Variants in PCDHGB3 observed in about 807,000 individuals in gnomAD.
PCDHGB3 encodes the protein protocadherin gamma-B3.
A neutral mutation model predicts 59.2 loss-of-function variants in PCDHGB3; 40 were observed. The observed-to-expected ratio is 0.68, with a 90% confidence interval of 0.52 to 0.88. The LOEUF is 0.88. Among genes scored for constraint, PCDHGB3 ranks in the 40% least tolerant of loss-of-function variants. PCDHGB3 has a pLI of 0.00. For synonymous variants in PCDHGB3, 581 were observed against 503.6 expected (o/e 1.15, Z -2.06); for missense variants, 1,309 against 1,187.9 (o/e 1.10, Z -1.50).
At chr5:141,377,345 C>T (rs1275867689) in intron 1 of PCDHGB3, 1 of 152,148 alleles carries the variant, frequency 6.6e-6, no homozygotes, top group African/African-American at 2.4e-5. Flanking sequence ...GTGGTTCACG[C>T]CTGTAATCCC....
chr5:141,478,700 C>T (rs1171617240), intron 1 of PCDHGB3: 2 of 1,549,172 alleles, frequency 1.3e-6, no homozygotes, highest in South Asian at 1.2e-5. Flanking sequence ...AAAGTTAGTG[C>T]CTTTGTGAGA....
At position 141,372,283 on chromosome 5, in the gene PCDHGB3, G is replaced by T. The variant is rs749946527; in HGVS notation, c.1889G>T (p.Arg630Leu). The change falls in exon 1 of 4, where the codon CGT (arginine) becomes CTT (leucine). Residue 630 changes from arginine (R) to leucine (L), a missense_variant. By Grantham distance (102) the Arg-to-Leu change is moderately radical. Coordinates refer to ENST00000576222, the MANE Select transcript of PCDHGB3 (RefSeq NM_018924.5). Reference sequence around the variant, plus strand: ...CGCACGGGTGAGGTGCGCACGGCGCGTACCTTGGGCGACAGGGAGGCCGCC... The same window carrying T: ...CGCACGGGTGAGGTGCGCACGGCGCTTACCTTGGGCGACAGGGAGGCCGCC... ...GLRTGEVRTA[R>L]TLGDREAARQ... is the part of the protein sequence containing the mutation. 2.9e-5 allele frequency: 47 copies of T among 1,613,080 alleles called. No individual in the cohort carries two copies. Among genetic ancestry groups the T allele is most frequent in the Non-Finnish European group, 2.7e-5 (32 of 1,179,872 alleles).
chr5:141,456,746 T>C (rs548254725), intron 1 of PCDHGB3, among the ~76,000 whole-genome samples: 51 of 151,874 alleles, frequency 3.4e-4, no homozygotes, highest in African/African-American at 1.0e-3. Context: ...GGGAGCATCA[T>C]GAGGTCAGGA....
At chr5:141,438,487 G>T (rs1030201971) in intron 1 of PCDHGB3, among the ~76,000 whole-genome samples, 9 of 150,284 alleles carry the variant, frequency 6.0e-5, no homozygotes, top group African/African-American at 2.2e-4. Flanking sequence ...GTCTCTTGGA[G>T]AAAAAAGAAT....
In PCDHGB3 at chr5:141,511,318, A is replaced by C; in HGVS notation, c.*145A>C. 2 of 1,476,400 alleles carry C rather than the reference A, an allele frequency of 1.4e-6. No homozygotes were observed. Among genetic ancestry groups the C allele is most frequent in the South Asian group, 2.7e-5 (2 of 72,796 alleles). 91.5% of individuals were successfully genotyped at this position (1,476,400 alleles called of 1,614,324 possible). On this transcript the variant is annotated 3_prime_UTR_variant, in exon 4 of 4. Transcript: ENST00000576222. The stretch of plus-strand genomic sequence containing the variant: ...GCCATGCTCCCCTTGGGAAACAGAA[A>C]CAAGTGCCCAGTCAGCACCTACCCC...
rs759437302 is a variant in PCDHGB3, at chr5:141,476,861, T to C, written c.2416-17946T>C. On this transcript the variant is annotated intron_variant, in intron 1 of 3. Transcript: ENST00000576222. The surrounding 1 kb of genome is among the most constrained non-coding windows in gnomAD (Gnocchi z 7.6). Reference sequence around the variant, plus strand: ...TGCGCCTGTCTTCAACCAGTCCTTGTACCGGGCGCGCGTCCTGGAGGATGC... The same window carrying C: ...TGCGCCTGTCTTCAACCAGTCCTTGCACCGGGCGCGCGTCCTGGAGGATGC... 6.2e-7 allele frequency: 1 copy of C among 1,613,864 alleles called. No individual in the cohort carries two copies. The highest frequency in any genetic ancestry group is 1.7e-5 in the Admixed American group (1 of 60,034).
intron 1 of PCDHGB3, chr5:141,415,323 G>C: frequency 1.9e-6 from 3 of 1,614,236 alleles, no homozygotes; most frequent in South Asian, 2.2e-5. Flanking sequence ...TCGTGCTGCT[G>C]GCGCACAGGC....
rs542113846 is a variant in PCDHGB3 at position 141,433,037 on chromosome 5, A to G, written c.2415+60228A>G. ...GACCTATTCCCACGAGGTTTCCCTCACCACGGACTCGCGGAAGAGTCACCT... is the reference window on the plus strand; with the variant it reads ...GACCTATTCCCACGAGGTTTCCCTCGCCACGGACTCGCGGAAGAGTCACCT... On this transcript the variant is annotated intron_variant, in intron 1 of 3. Coordinates refer to ENST00000576222, the MANE Select transcript of PCDHGB3 (RefSeq NM_018924.5). 249 of 1,614,172 alleles carry G rather than the reference A, an allele frequency of 1.5e-4. 6 individuals are homozygous for G. The South Asian group carries it at 2.5e-3, about 16-fold the overall frequency.
intron 1 of PCDHGB3, chr5:141,393,714 A>G: frequency 6.2e-7 from 1 of 1,613,878 alleles, no homozygotes; most frequent in South Asian, 1.1e-5. Flanking sequence ...TACTGGGGAA[A>G]TATCAATAGC....
Position 141,370,545 on chromosome 5 carries a change from G to A in PCDHGB3, c.151G>A (p.Ala51Thr), listed in dbSNP as rs768607566. 1.2e-6 allele frequency: 2 copies of A among 1,613,866 alleles called. No homozygotes were observed. Among genetic ancestry groups the A allele is most frequent in the Non-Finnish European group, 1.7e-6 (2 of 1,179,876 alleles). Reference sequence around the variant, plus strand: ...CAGGGGCTCGCTGGTAGGGAACCTCGCCAAGGACCTGGGGTTTGGCGTGGG... The same window carrying A: ...CAGGGGCTCGCTGGTAGGGAACCTCACCAAGGACCTGGGGTTTGGCGTGGG... ...LDRGSLVGNL[A>T]KDLGFGVGDL... The change falls in exon 1 of 4, where the codon GCC becomes ACC. Residue 51 changes from alanine to threonine, a missense_variant. Transcript: ENST00000576222.
rs549955923 is a variant in PCDHGB3, at chr5:141,409,897, A to G, written c.2415+37088A>G. 8.7e-6 allele frequency: 14 copies of G among 1,613,204 alleles called. No individual in the cohort carries two copies. The South Asian group carries it at 1.3e-4, about 15-fold the overall frequency. On this transcript the variant is annotated intron_variant, in intron 1 of 3. Coordinates refer to ENST00000576222, the MANE Select transcript of PCDHGB3 (RefSeq NM_018924.5). ...ACAACGCACCGCGGGTGCTGTACCC[A>G]GCTCTGGGTCCTGACGGCTCCGCGT...
chr5:141,419,923 G>A, intron 1 of PCDHGB3: 4 of 1,614,088 alleles, frequency 2.5e-6, no homozygotes, highest in Non-Finnish European at 3.4e-6. Flanking sequence ...AGGCTGAGAT[G>A]CAGTTTTACC....
In PCDHGB3 at chr5:141,511,112, G is replaced by C. The variant is rs767257788; in HGVS notation, c.2729G>C (p.Gly910Ala). The change falls in exon 4 of 4, where the codon GGC becomes GCC. Residue 910 changes from glycine (G) to alanine (A), a missense_variant. Coordinates refer to ENST00000576222, the MANE Select transcript of PCDHGB3 (RefSeq NM_018924.5). ...TLTNAAGKRD[G>A]KAPAGGNGNK... The stretch of plus-strand genomic sequence containing the variant: ...ACCAACGCAGCTGGCAAGCGGGATG[G>C]CAAGGCCCCAGCAGGTGGCAATGGC... The C allele has an allele frequency of 4.3e-6, 7 of 1,614,232 alleles. No homozygotes were observed. Among genetic ancestry groups the C allele is most frequent in the Non-Finnish European group, 5.9e-6 (7 of 1,180,024 alleles).
chr5:141,412,346 T>C (rs1489657145), intron 1 of PCDHGB3: 1 of 152,238 alleles, frequency 6.6e-6, no homozygotes, highest in African/African-American at 2.4e-5. Flanking sequence ...TATGTTCATT[T>C]TAGTTTGTGA....
chr5:141,417,751 C>T, intron 1 of PCDHGB3: 1 of 1,427,514 alleles, frequency 7.0e-7, no homozygotes, highest in Non-Finnish European at 9.2e-7. Flanking sequence ...AGATTGCCAG[C>T]TCCGAGACCC....
intron 1 of PCDHGB3, chr5:141,383,029 T>G: frequency 6.2e-7 from 1 of 1,613,808 alleles, no homozygotes; most frequent in Non-Finnish European, 8.5e-7. Flanking sequence ...CAAAGGGTCC[T>G]TTGTGGGAGA....
At chr5:141,499,184 A>G (rs2099789986) in intron 2 of PCDHGB3, among the ~76,000 whole-genome samples, 1 of 151,726 alleles carries the variant, frequency 6.6e-6, no homozygotes, top group African/African-American at 2.4e-5. Context: ...CCAGCAAACC[A>G]TTTCCCCCTT....
At chr5:141,430,980 T>C in intron 1 of PCDHGB3, 1 of 1,613,618 alleles carries the variant, frequency 6.2e-7, no homozygotes, top group African/African-American at 1.3e-5. Context: ...AGGACGCAGC[T>C]TTTCGCCCTG....
rs1421497518 is a variant in PCDHGB3 at position 141,431,979 on chromosome 5, A to G, written c.2415+59170A>G. ...GGAAATTACTATAGTTTAGTCACAGACATAGTCTTGGATAGGGAACAGGTT... is the reference window on the plus strand; with the variant it reads ...GGAAATTACTATAGTTTAGTCACAGGCATAGTCTTGGATAGGGAACAGGTT... On this transcript the variant is annotated intron_variant, in intron 1 of 3. Coordinates refer to ENST00000576222, the MANE Select transcript of PCDHGB3 (RefSeq NM_018924.5). This position sits in a 1 kb window ranked among gnomAD's most constrained non-coding sequence, Gnocchi z 4.8. 6.2e-7 allele frequency: 1 copy of G among 1,614,078 alleles called. No homozygotes were observed. The highest frequency in any genetic ancestry group is 1.3e-5 in the African/African-American group (1 of 74,932).
Sources: allele counts gnomAD v4.1 joint callset (sites outside exome capture counted in the v4.1 genomes callset), GRCh38; gene constraint gnomAD v4.1.1; non-coding constraint Gnocchi (gnomAD v3.1); transcripts MANE v1.5; gene names NCBI Gene and HGNC (gene_info 2026-07-23, HGNC 2026-07-21).